FYN: variants seen among roughly 807,000 people sequenced by gnomAD.
The protein encoded by FYN is tyrosine-protein kinase Fyn.
A neutral mutation model predicts 70.2 loss-of-function variants in FYN; 10 were observed. That is an observed-to-expected ratio of 0.14 (90% CI 0.09 to 0.24). The LOEUF (loss-of-function observed/expected upper bound fraction) is 0.24. Ranked by LOEUF, FYN falls within the 10% of genes least tolerant of loss-of-function variation. The probability of loss-of-function intolerance (pLI) is 1.00; values close to 1 mark genes in which losing one functional copy is unlikely to be tolerated. For synonymous variants in FYN, 236 were observed against 248.6 expected, an observed-to-expected ratio of 0.95 and a Z score of 0.48; for missense variants, 319 against 673.1, an observed-to-expected ratio of 0.47 and a Z score of 5.82.
intron 2 of FYN, among the ~76,000 whole-genome samples, chr6:111,828,076 G>C (rs576035156): frequency 6.6e-6 from 1 of 152,316 alleles, no homozygotes; most frequent in African/African-American, 2.4e-5. Flanking sequence ...AGTTGACTGT[G>C]TACCCTGAGA....
At chr6:111,842,782 C>T (rs1554295554) in intron 2 of FYN, among the ~76,000 whole-genome samples, 1 of 152,172 alleles carries the variant, frequency 6.6e-6, no homozygotes, top group South Asian at 2.1e-4. Context: ...ATTTTCCCCC[C>T]ACAAGACAAT....
chr6:111,696,529 A>C, intron 9 of FYN, 73 bp from the exon 10 acceptor site: 1 of 1,230,562 alleles, frequency 8.1e-7, no homozygotes, highest in Non-Finnish European at 1.1e-6. Flanking sequence ...ACCACCAGCT[A>C]TTTGCATAAG....
At chr6:111,812,947 G>A (rs1772373578) in intron 2 of FYN, among the ~76,000 whole-genome samples, 1 of 151,994 alleles carries the variant, frequency 6.6e-6, no homozygotes, top group African/African-American at 2.4e-5. Flanking sequence ...TATTATACAC[G>A]ATTGTTGCCC....
At chr6:111,705,580 G>A (rs1302374502) in intron 6 of FYN, among the ~76,000 whole-genome samples, 1 of 152,024 alleles carries the variant, frequency 6.6e-6, no homozygotes, top group African/African-American at 2.4e-5. Flanking sequence ...TAAGAGTGGT[G>A]GCTCATGATT....
intron 2 of FYN, among the ~76,000 whole-genome samples, chr6:111,838,666 A>C (rs1424289398): frequency 6.6e-6 from 1 of 152,252 alleles, no homozygotes; most frequent in Non-Finnish European, 1.5e-5. Flanking sequence ...GACAGAATAG[A>C]GATTTTAAAA....
At chr6:111,744,369 T>C (rs1802115226) in intron 3 of FYN, among the ~76,000 whole-genome samples, 1 of 152,252 alleles carries the variant, frequency 6.6e-6, no homozygotes, top group African/African-American at 2.4e-5. Flanking sequence ...CTGCAGTGGA[T>C]GGCTGCTCTT....
rs1372232618 is a variant in FYN at position 111,873,219 on chromosome 6, G to C, written c.-374C>G. The C allele has an allele frequency of 6.7e-6, 1 of 148,232 alleles. No homozygotes were observed. Among genetic ancestry groups the C allele is most frequent in the Non-Finnish European group, 1.5e-5 (1 of 66,654 alleles). The allele number at this position is 148,232 out of a possible 1,614,324, so 9.2% of individuals were successfully genotyped here. ...GCCCGGGCGGTCCTCGGTGCGCTGG[G>C]AGAAGCGCGGCGCGCCCGGGCGGGA... On this transcript the variant is annotated 5_prime_UTR_variant, in exon 1 of 14. Coordinates refer to ENST00000354650, the MANE Select transcript of FYN (RefSeq NM_002037.5).
chr6:111,809,386 T>G (rs1772252573), intron 2 of FYN, among the ~76,000 whole-genome samples: 1 of 152,212 alleles, frequency 6.6e-6, no homozygotes, highest in Non-Finnish European at 1.5e-5. Context: ...TACATTTCCC[T>G]GTATCCATGT....
At chr6:111,834,788 G>A (rs1239847682) in intron 2 of FYN, among the ~76,000 whole-genome samples, 1 of 152,126 alleles carries the variant, frequency 6.6e-6, no homozygotes. Flanking sequence ...AAGTTTATCA[G>A]TTGTATTACT....
At chr6:111,747,140 A>G (rs1802263716) in intron 3 of FYN, among the ~76,000 whole-genome samples, 2 of 152,190 alleles carry the variant, frequency 1.3e-5, no homozygotes, top group African/African-American at 4.8e-5. Context: ...GTAGCACTTT[A>G]GTAAGTAGAT....
At chr6:111,758,068 T>G (rs776703243) in intron 3 of FYN, among the ~76,000 whole-genome samples, 4 of 152,244 alleles carry the variant, frequency 2.6e-5, no homozygotes, top group African/African-American at 9.6e-5. Flanking sequence ...AAACACTAGA[T>G]TCTGATGTTG....
At chr6:111,691,315 C>T (rs1039559854) in intron 12 of FYN, among the ~76,000 whole-genome samples, 2 of 152,136 alleles carry the variant, frequency 1.3e-5, no homozygotes, top group East Asian at 1.9e-4. Flanking sequence ...CAGATATTTC[C>T]GTGCACGCTG....
chr6:111,856,860 C>T (rs1773835702), intron 1 of FYN, among the ~76,000 whole-genome samples: 3 of 152,074 alleles, frequency 2.0e-5, no homozygotes, highest in Admixed American at 1.3e-4. Flanking sequence ...CAACTCCGCA[C>T]CTCACCCCAG....
At chr6:111,704,182 A>G (rs1799962560) in intron 6 of FYN, 80 bp from the exon 7 acceptor site, 4 of 1,133,186 alleles carry the variant, frequency 3.5e-6, no homozygotes, top group South Asian at 2.7e-5. Context: ...TTTTTTGCCC[A>G]TGAATTCCCC....
intron 2 of FYN, among the ~76,000 whole-genome samples, chr6:111,808,161 T>G (rs539759172): frequency 6.6e-6 from 1 of 152,206 alleles, no homozygotes; most frequent in Non-Finnish European, 1.5e-5. Flanking sequence ...GGTCAGTCCC[T>G]CTGGAACCAC....
intron 2 of FYN, among the ~76,000 whole-genome samples, chr6:111,831,702 G>A (rs1168793178): frequency 3.3e-5 from 5 of 152,106 alleles, no homozygotes; most frequent in East Asian, 1.9e-4. Flanking sequence ...CTAAAGCTAC[G>A]CAATTAACAA....
intron 2 of FYN, among the ~76,000 whole-genome samples, chr6:111,827,562 C>T (rs1023921836): frequency 2.0e-5 from 3 of 152,136 alleles, no homozygotes; most frequent in African/African-American, 7.2e-5. Context: ...CTGAGCTGGT[C>T]CTGGAGAAAA....
chr6:111,689,384 T>C (rs774617826), intron 12 of FYN, among the ~76,000 whole-genome samples: 17 of 152,338 alleles, frequency 1.1e-4, no homozygotes, highest in South Asian at 1.0e-3. Context: ...TAAAAATATG[T>C]CCACAAAATC....
At position 111,763,290 on chromosome 6, in the gene FYN, T is replaced by C. The variant is rs532301261; in HGVS notation, c.-12+17276A>G. 3.2e-4 allele frequency among the ~76,000 whole-genome samples: 49 copies of C among 152,344 alleles called. 1 individual carries two copies. The highest frequency in any genetic ancestry group is 1.1e-3 in the African/African-American group (46 of 41,584). ...CTGTAACCCAGCCACCCTGGGTACC[T>C]GTTCCTCAGGACCCCCTGAAGCTAT... On this transcript the variant is annotated intron_variant, in intron 3 of 13. Transcript: ENST00000354650.
Sources: allele counts gnomAD v4.1 joint callset (sites outside exome capture counted in the v4.1 genomes callset), GRCh38; gene constraint gnomAD v4.1.1; transcripts MANE v1.5; gene names NCBI Gene and HGNC (gene_info 2026-07-23, HGNC 2026-07-21).